The following PTPRD variants were observed in gnomAD, a reference collection of about 807,000 sequenced individuals.
PTPRD encodes the protein protein tyrosine phosphatase receptor type D.
Under a neutral mutation model 214.5 loss-of-function variants are expected in PTPRD, and 34 were observed. The ratio of observed to expected loss-of-function variants is 0.16; its 90% CI spans 0.12 to 0.21. The LOEUF is 0.21. Ranked by LOEUF, PTPRD falls within the 10% of genes least tolerant of loss-of-function variation. The pLI is 1.00. For synonymous variants in PTPRD, 1,128 were observed against 845.7 expected (o/e 1.33, Z -5.79); for missense variants, 2,545 against 2,398.7 (o/e 1.06, Z -1.27).
chr9:10,008,394 T>G (rs1380020011), intron 4 of PTPRD, among the ~76,000 whole-genome samples: 1 of 152,006 alleles, frequency 6.6e-6, no homozygotes, highest in East Asian at 1.9e-4. Context: ...TGTGTCTGAC[T>G]TAAGAGTCTG....
At chr9:9,395,939 G>C (rs2067636700) in intron 9 of PTPRD, among the ~76,000 whole-genome samples, 1 of 152,064 alleles carries the variant, frequency 6.6e-6, no homozygotes, top group Non-Finnish European at 1.5e-5. Flanking sequence ...CCTTTGAATA[G>C]ATTGCAGTAT....
chr9:10,153,202 T>C (rs1478507383), intron 3 of PTPRD, among the ~76,000 whole-genome samples: 2 of 152,140 alleles, frequency 1.3e-5, no homozygotes, highest in Non-Finnish European at 2.9e-5. Context: ...TGTGAGGTGA[T>C]AGATATGTTA....
intron 8 of PTPRD, among the ~76,000 whole-genome samples, chr9:9,422,065 T>C (rs766593237): frequency 3.3e-5 from 5 of 152,118 alleles, no homozygotes; most frequent in African/African-American, 1.2e-4. Context: ...GGTATTTAAG[T>C]CACATATTTG....
intron 2 of PTPRD, among the ~76,000 whole-genome samples, chr9:10,588,194 G>C (rs192962289): frequency 1.6e-4 from 25 of 152,180 alleles, no homozygotes; most frequent in African/African-American, 5.5e-4. Flanking sequence ...AGTTCAAAGA[G>C]ATGTCAATGA....
chr9:10,275,698 G>C (rs999707829), intron 3 of PTPRD, among the ~76,000 whole-genome samples: 6 of 152,138 alleles, frequency 3.9e-5, no homozygotes, highest in African/African-American at 1.4e-4. Context: ...AAGTTCACCT[G>C]TCCCAGAATT....
intron 11 of PTPRD, among the ~76,000 whole-genome samples, chr9:8,967,132 TA>T (rs879834633): frequency 1.2e-3 from 163 of 139,088 alleles, no homozygotes; most frequent in Middle Eastern, 3.6e-3. Context: ...ATTATTAAAG[TA>T]AAAAAAAAAA....
At chr9:9,136,035 A>T (rs75742507) in intron 10 of PTPRD, among the ~76,000 whole-genome samples, 4,846 of 152,278 alleles carry the variant, frequency 0.032, 162 homozygotes, top group African/African-American at 0.069. Context: ...ACACACATAC[A>T]TAGTAATTTG....
At chr9:9,063,494 T>G (rs72694940) in intron 10 of PTPRD, among the ~76,000 whole-genome samples, 7,680 of 152,228 alleles carry the variant, frequency 0.05, 278 homozygotes, top group South Asian at 0.073. Flanking sequence ...CTGTAGTATG[T>G]AATCTTACTC....
At chr9:8,532,421 G>A (rs920101752) in intron 14 of PTPRD, among the ~76,000 whole-genome samples, 2 of 151,764 alleles carry the variant, frequency 1.3e-5, no homozygotes, top group African/African-American at 2.4e-5. Context: ...CAATTTTGAC[G>A]GCTCCTCAAA....
At chr9:10,401,336 A>G (rs2098266555) in intron 2 of PTPRD, among the ~76,000 whole-genome samples, 1 of 151,498 alleles carries the variant, frequency 6.6e-6, no homozygotes, top group Admixed American at 6.6e-5. Flanking sequence ...ACTTGAAGTG[A>G]TCTCTAGATG....
In PTPRD at chr9:9,927,101, C is replaced by G. The variant is rs1280257770; in HGVS notation, c.-368+11406G>C. Among the ~76,000 whole-genome samples, 3 of 152,238 alleles carry G rather than the reference C, an allele frequency of 2.0e-5. No homozygotes were observed. In the East Asian group the frequency reaches 5.8e-4, roughly 29 times the overall value. ...TATTTAAGCACCGCTATAAACATCA[C>G]AGATTTTGTAATAACCATTATATAC... On this transcript the variant is annotated intron_variant, in intron 5 of 45. Transcript: ENST00000381196.
At chr9:9,219,553 C>A (rs1323131638) in intron 9 of PTPRD, among the ~76,000 whole-genome samples, 1 of 152,104 alleles carries the variant, frequency 6.6e-6, no homozygotes, top group Non-Finnish European at 1.5e-5. Context: ...ATTTTAAATT[C>A]TTTCCCAATA....
intron 11 of PTPRD, among the ~76,000 whole-genome samples, chr9:8,920,458 TA>T (rs1207595582): frequency 6.6e-6 from 1 of 152,198 alleles, no homozygotes; most frequent in Non-Finnish European, 1.5e-5. Flanking sequence ...AAATGATTAA[TA>T]AACAAACCCA....
At chr9:9,092,411 T>G (rs1424161865) in intron 10 of PTPRD, among the ~76,000 whole-genome samples, 1 of 152,106 alleles carries the variant, frequency 6.6e-6, no homozygotes, top group Non-Finnish European at 1.5e-5. Flanking sequence ...GTAAACATAT[T>G]AATGGTAAAT....
chr9:8,671,020 A>T (rs577000607), intron 12 of PTPRD, among the ~76,000 whole-genome samples: 1 of 152,168 alleles, frequency 6.6e-6, no homozygotes, highest in South Asian at 2.1e-4. Context: ...TGGGGGGAGG[A>T]TGTTTCCTTC....
At chr9:9,198,795 C>T (rs1246669276) in intron 9 of PTPRD, among the ~76,000 whole-genome samples, 2 of 151,966 alleles carry the variant, frequency 1.3e-5, no homozygotes, top group Non-Finnish European at 2.9e-5. Context: ...CTGATTTATC[C>T]CTGAGATAGA....
intron 14 of PTPRD, among the ~76,000 whole-genome samples, chr9:8,617,335 A>T (rs916347280): frequency 1.8e-4 from 28 of 152,060 alleles, no homozygotes; most frequent in African/African-American, 6.3e-4. Flanking sequence ...ATGATCTGAG[A>T]GGCAGCTGAG....
At chr9:8,633,704 C>A (rs2096332232) in intron 13 of PTPRD, among the ~76,000 whole-genome samples, 1 of 152,036 alleles carries the variant, frequency 6.6e-6, no homozygotes, top group African/African-American at 2.4e-5. Flanking sequence ...CTAAAAACTA[C>A]CAGGGTTTAT....
chr9:9,074,104 G>A (rs1031705289), intron 10 of PTPRD, among the ~76,000 whole-genome samples: 6 of 152,016 alleles, frequency 3.9e-5, no homozygotes, highest in African/African-American at 1.4e-4. Context: ...ATATTATTTA[G>A]AGATGAAAAA....
Sources: gnomAD v4.1 joint callset for allele counts (sites outside exome capture counted in the v4.1 genomes callset) on GRCh38, gnomAD v4.1.1 for gene constraint, MANE v1.5 for transcripts, NCBI Gene and HGNC (gene_info 2026-07-23, HGNC 2026-07-21) for gene names.